The following CDH4 variants were observed in gnomAD, a reference collection of about 807,000 sequenced individuals.
The protein encoded by CDH4 is cadherin-4.
A neutral mutation model predicts 86.0 loss-of-function variants in CDH4; 33 were observed. That is an observed-to-expected ratio of 0.38 (90% CI 0.29 to 0.51). The LOEUF (loss-of-function observed/expected upper bound fraction) is 0.51, where lower values mean the gene tolerates loss of function less well. Among genes scored for constraint, CDH4 ranks in the 20% least tolerant of loss-of-function variants. The probability of loss-of-function intolerance (pLI) is 0.86; values close to 1 mark genes in which losing one functional copy is unlikely to be tolerated. For synonymous variants in CDH4, 555 were observed against 549.4 expected, an observed-to-expected ratio of 1.01 and a Z score of -0.14; for missense variants, 1,114 against 1,307.4, an observed-to-expected ratio of 0.85 and a Z score of 2.28.
At chr20:61,432,301 G>A (rs1403060455) in intron 2 of CDH4, among the ~76,000 whole-genome samples, 1 of 152,172 alleles carries the variant, frequency 6.6e-6, no homozygotes, top group Non-Finnish European at 1.5e-5. Flanking sequence ...CACTCAGTGA[G>A]GTCAGTTCTT....
intron 6 of CDH4, among the ~76,000 whole-genome samples, chr20:61,854,276 C>G (rs1982879603): frequency 6.6e-6 from 1 of 152,194 alleles, no homozygotes; most frequent in South Asian, 2.1e-4. Context: ...AGCTCTGGGA[C>G]TGGAAGGCAG....
At position 61,362,367 on chromosome 20, in the gene CDH4, G is replaced by A. The variant is rs1023583244; in HGVS notation, c.169+107430G>A. 2.6e-5 allele frequency among the ~76,000 whole-genome samples: 4 copies of A among 151,774 alleles called. No homozygotes were observed. In the South Asian group the frequency reaches 8.3e-4, roughly 32 times the overall value. On this transcript the variant is annotated intron_variant, in intron 2 of 15. Coordinates refer to ENST00000614565, the MANE Select transcript of CDH4 (RefSeq NM_001794.5). ...GAGAGCGGAGACGTGGCCTAGGACA[G>A]CATAGGGCAGGGCAGAGATGTGGCC...
chr20:61,514,248 G>C (rs1158445665), intron 2 of CDH4, among the ~76,000 whole-genome samples: 6 of 151,944 alleles, frequency 3.9e-5, no homozygotes. Flanking sequence ...ACTTTCTTCA[G>C]ACCCCTCAGG....
chr20:61,775,932 G>A (rs7263907), intron 4 of CDH4, among the ~76,000 whole-genome samples: 82,184 of 152,022 alleles, frequency 0.54, 22,386 homozygotes, highest in East Asian at 0.71. Flanking sequence ...GAGGTCACAT[G>A]GGCACAGCCC....
intron 2 of CDH4, among the ~76,000 whole-genome samples, chr20:61,722,646 A>C (rs6061768): frequency 3.2e-4 from 34 of 105,006 alleles, no homozygotes; most frequent in African/African-American, 6.3e-4. Flanking sequence ...CCCCCCACGC[A>C]TGCACAGTGG....
intron 2 of CDH4, among the ~76,000 whole-genome samples, chr20:61,602,711 A>C (rs1345007800): frequency 2.7e-5 from 4 of 150,762 alleles, no homozygotes; most frequent in Non-Finnish European, 4.4e-5. Flanking sequence ...AAAAAAAAAA[A>C]AAAAAAAAAC....
In CDH4 at chr20:61,810,897, C is replaced by T. The variant is rs1980399872; in HGVS notation, c.577-33771C>T. On this transcript the variant is annotated intron_variant, in intron 4 of 15. Coordinates refer to ENST00000614565, the MANE Select transcript of CDH4 (RefSeq NM_001794.5). The surrounding 1 kb of genome is among the most constrained non-coding windows in gnomAD (Gnocchi z 4.3). ...GCAGCCAGCACAGAGGGTATGGCCG[C>T]TCCAGGAAGCTTCGAGACGGGGGCT... is the stretch of plus-strand genomic sequence containing the variant. Among the ~76,000 whole-genome samples, 1 of 152,316 alleles carries T rather than the reference C, an allele frequency of 6.6e-6. No homozygotes were observed. The highest frequency in any genetic ancestry group is 1.5e-5 in the Non-Finnish European group (1 of 68,038).
At chr20:61,500,557 A>G (rs1330540146) in intron 2 of CDH4, among the ~76,000 whole-genome samples, 3 of 152,210 alleles carry the variant, frequency 2.0e-5, no homozygotes, top group African/African-American at 7.2e-5. Flanking sequence ...TGTGCTGGGA[A>G]AACACAGAAG....
chr20:61,280,885 C>T (rs984582871), intron 2 of CDH4, among the ~76,000 whole-genome samples: 3 of 152,176 alleles, frequency 2.0e-5, no homozygotes, highest in East Asian at 3.9e-4. Flanking sequence ...GAGTAGGTGT[C>T]GGGGTCCAGG....
intron 2 of CDH4, among the ~76,000 whole-genome samples, chr20:61,266,798 G>C (rs1247549580): frequency 6.6e-6 from 1 of 152,132 alleles, no homozygotes; most frequent in Non-Finnish European, 1.5e-5. Flanking sequence ...ACCTACTGGA[G>C]GGTGCCGACA....
chr20:61,877,931 T>A (rs1243926684), intron 7 of CDH4, among the ~76,000 whole-genome samples: 1 of 152,054 alleles, frequency 6.6e-6, no homozygotes, highest in Non-Finnish European at 1.5e-5. Context: ...AGGCAGGGGA[T>A]GAGGTGTAAC....
At chr20:61,690,060 A>G (rs2087636135) in intron 2 of CDH4, among the ~76,000 whole-genome samples, 1 of 140,222 alleles carries the variant, frequency 7.1e-6, no homozygotes, top group Admixed American at 7.1e-5. Context: ...TCCGGCAGGG[A>G]CGGTGAGTTG....
rs2087800825 is a variant in CDH4, at chr20:61,703,684, C to T, written c.170-39879C>T. ...TTGGCCATACAAGAGCTGTCCATGT[C>T]TCATCTGGGCCCTGGTGATGAGGTG... On this transcript the variant is annotated intron_variant, in intron 2 of 15. Transcript: ENST00000614565. The surrounding 1 kb of genome is among the most constrained non-coding windows in gnomAD (Gnocchi z 4.3). Among the ~76,000 whole-genome samples, 1 of 152,192 alleles carries T rather than the reference C, an allele frequency of 6.6e-6. No homozygotes were observed. Among genetic ancestry groups the T allele is most frequent in the South Asian group, 2.1e-4 (1 of 4,834 alleles).
At chr20:61,859,739 T>G (rs1369165203) in intron 6 of CDH4, among the ~76,000 whole-genome samples, 1 of 152,254 alleles carries the variant, frequency 6.6e-6, no homozygotes, top group African/African-American at 2.4e-5. Flanking sequence ...GGTTTATTGG[T>G]CTGTGTGTCT....
intron 2 of CDH4, among the ~76,000 whole-genome samples, chr20:61,312,893 G>A (rs1382777410): frequency 1.3e-5 from 2 of 152,194 alleles, no homozygotes; most frequent in African/African-American, 4.8e-5. Flanking sequence ...GCCCAGTGCA[G>A]AGAAGCGAGC....
intron 2 of CDH4, chr20:61,738,441 A>G (rs2088292175): frequency 6.6e-6 from 1 of 151,914 alleles, no homozygotes; most frequent in Admixed American, 6.6e-5. Flanking sequence ...CCCCCGAGAA[A>G]CAACTCTTTT....
intron 6 of CDH4, among the ~76,000 whole-genome samples, chr20:61,870,590 A>G (rs1484760687): frequency 2.0e-5 from 3 of 152,122 alleles, no homozygotes; most frequent in African/African-American, 4.8e-5. Context: ...TGCGACAGGC[A>G]TGTGGATCCT....
rs552357616 is a variant in CDH4, at chr20:61,686,383, ATG to A, written c.170-57171_170-57170del. Among the ~76,000 whole-genome samples the A allele has an allele frequency of 2.7e-4, 40 of 147,898 alleles. No individual in the cohort carries two copies. The South Asian group carries it at 5.3e-3, about 19-fold the overall frequency. ...TGCGTGTGCATTCGCATGTGTGTAT[ATG>A]TGTGTGTGCATTCACGTGTGTATGT... On this transcript the variant is annotated intron_variant, in intron 2 of 15. Transcript: ENST00000614565.
intron 2 of CDH4, among the ~76,000 whole-genome samples, chr20:61,349,619 G>A (rs1478440990): frequency 6.6e-6 from 1 of 152,198 alleles, no homozygotes; most frequent in Non-Finnish European, 1.5e-5. Context: ...TGGCACAGCA[G>A]GCCTCATCGG....
Sources: gnomAD v4.1 joint callset for allele counts (sites outside exome capture counted in the v4.1 genomes callset) on GRCh38, gnomAD v4.1.1 for gene constraint, Gnocchi (gnomAD v3.1) non-coding constraint, MANE v1.5 for transcripts, NCBI Gene and HGNC (gene_info 2026-07-23, HGNC 2026-07-21) for gene names.